PLA2G12A: variants seen among roughly 807,000 people sequenced by gnomAD.
PLA2G12A encodes group XIIA secretory phospholipase A2.
Under a neutral mutation model 16.0 loss-of-function variants are expected in PLA2G12A, and 11 were observed. That is an observed-to-expected ratio of 0.69 (90% CI 0.43 to 1.13). The LOEUF is 1.13. Among genes scored for constraint, PLA2G12A ranks in the 50% most tolerant of loss-of-function variants. The pLI is 0.00. For synonymous variants in PLA2G12A, 77 were observed against 93.8 expected, an observed-to-expected ratio of 0.82 and a Z score of 1.03; for missense variants, 214 against 237.3, an observed-to-expected ratio of 0.90 and a Z score of 0.65.
chr4:109,725,665 T>C (rs974110806), intron 1 of PLA2G12A, among the ~76,000 whole-genome samples: 2 of 152,250 alleles, frequency 1.3e-5, no homozygotes, highest in Non-Finnish European at 2.9e-5. Flanking sequence ...GTTTATCATT[T>C]GTATGGACTG....
intron 1 of PLA2G12A, among the ~76,000 whole-genome samples, chr4:109,722,293 T>C (rs1722798283): frequency 6.6e-6 from 1 of 152,230 alleles, no homozygotes; most frequent in South Asian, 2.1e-4. Flanking sequence ...TTGAACCTGC[T>C]CTTCCTGTAT....
At position 109,719,671 on chromosome 4, in the gene PLA2G12A, A is replaced by C. The variant is rs1213792803; in HGVS notation, c.209-912T>G. On this transcript the variant is annotated intron_variant, in intron 1 of 3. Coordinates refer to ENST00000243501, the MANE Select transcript of PLA2G12A (RefSeq NM_030821.5). The stretch of plus-strand genomic sequence containing the variant: ...ATATAACAATGAAGTGAGTCACATA[A>C]ATTTTTTTGGTTTTCCAGTGCATAT... Among the ~76,000 whole-genome samples, 5 of 152,072 alleles carry C rather than the reference A, an allele frequency of 3.3e-5. No individual in the cohort carries two copies. The East Asian group carries it at 9.6e-4, about 29-fold the overall frequency.
rs67674001 is a variant in PLA2G12A, at chr4:109,711,053, C to CTTTTTTTTTTTTTTTTT, written c.*3307_*3323dup. The CTTTTTTTTTTTTTTTTT allele has an allele frequency of 7.0e-5, 4 of 57,240 alleles. No individual in the cohort carries two copies. Among genetic ancestry groups the CTTTTTTTTTTTTTTTTT allele is most frequent in the Admixed American group, 2.0e-4 (1 of 5,042 alleles). 3.5% of individuals were successfully genotyped at this position (57,240 alleles called of 1,614,324 possible). The stretch of plus-strand genomic sequence containing the variant: ...AGAGCTGCTGACAGTTAGTTCTTGC[C>CTTTTTTTTTTTTTTTTT]TTTTTTTTTTTTTTTTTTTTTTTGC... On this transcript the variant is annotated 3_prime_UTR_variant, in exon 4 of 4. Transcript: ENST00000243501.
chr4:109,725,676 C>T (rs1722921343), intron 1 of PLA2G12A, among the ~76,000 whole-genome samples: 1 of 152,172 alleles, frequency 6.6e-6, no homozygotes, highest in Non-Finnish European at 1.5e-5. Flanking sequence ...GTATGGACTG[C>T]AGAAATCTAA....
At chr4:109,716,814 A>C (rs1350966691) in intron 3 of PLA2G12A, among the ~76,000 whole-genome samples, 2 of 152,200 alleles carry the variant, frequency 1.3e-5, no homozygotes, top group Admixed American at 6.5e-5. Flanking sequence ...AACCCATAAG[A>C]CAAGTCTTCT....
rs1248850915 is a variant in PLA2G12A at position 109,717,707 on chromosome 4, T to C, written c.292A>G (p.Ile98Val). 1.9e-6 allele frequency: 3 copies of C among 1,613,702 alleles called. No individual in the cohort carries two copies. Among genetic ancestry groups the C allele is most frequent in the Admixed American group, 1.7e-5 (1 of 59,988 alleles). ...CACTTTGTCAGGGAAGGGATACCAA[T>C]GTTAAGCTGCAAAAGGCATTTGGAT... ...GSPLFGVHLNIGIPSLTKCCN... is the reference protein window; with the variant it reads ...GSPLFGVHLNVGIPSLTKCCN... The change falls in exon 3 of 4, where the codon ATT becomes GTT. Residue 98 changes from isoleucine (I) to valine (V), a missense_variant. Physicochemically the swap from Ile to Val is conservative, Grantham distance 29. Coordinates refer to ENST00000243501, the MANE Select transcript of PLA2G12A (RefSeq NM_030821.5).
intron 2 of PLA2G12A, among the ~76,000 whole-genome samples, chr4:109,718,424 TA>T (rs1433295976): frequency 2.0e-5 from 3 of 152,224 alleles, no homozygotes; most frequent in Non-Finnish European, 2.9e-5. Context: ...AGCACTTCTG[TA>T]CTCCAAACTT....
chr4:109,724,348 C>T (rs1722881697), intron 1 of PLA2G12A, among the ~76,000 whole-genome samples: 1 of 152,110 alleles, frequency 6.6e-6, no homozygotes, highest in South Asian at 2.1e-4. Flanking sequence ...TGGTCTTGAA[C>T]TCCTGACAGG....
In PLA2G12A at chr4:109,711,241, T is replaced by C. The variant is rs982406575; in HGVS notation, c.*3136A>G. ...TTATAGATGTGTACATATGCATGGA[T>C]TAATATACATACATATTTCTCAACT... On this transcript the variant is annotated 3_prime_UTR_variant, in exon 4 of 4. Transcript: ENST00000243501. 1 of 152,158 alleles carries C rather than the reference T, an allele frequency of 6.6e-6. No individual in the cohort carries two copies. Among genetic ancestry groups the C allele is most frequent in the Non-Finnish European group, 1.5e-5 (1 of 68,016 alleles). The allele number at this position is 152,158 out of a possible 1,614,324, so 9.4% of individuals were successfully genotyped here.
At chr4:109,723,101 A>G (rs1305724281) in intron 1 of PLA2G12A, among the ~76,000 whole-genome samples, 1 of 152,138 alleles carries the variant, frequency 6.6e-6, no homozygotes, top group Non-Finnish European at 1.5e-5. Context: ...CAGACTGAAC[A>G]CTGTAGGGTA....
At chr4:109,716,925 C>T (rs946310185) in intron 3 of PLA2G12A, among the ~76,000 whole-genome samples, 1 of 152,154 alleles carries the variant, frequency 6.6e-6, no homozygotes, top group Non-Finnish European at 1.5e-5. Context: ...AAATCCTAAC[C>T]TCCAAAGTGA....
chr4:109,717,454 A>C, intron 3 of PLA2G12A, 94 bp downstream of exon 3: 1 of 1,314,868 alleles, frequency 7.6e-7, no homozygotes, highest in South Asian at 1.4e-5. Flanking sequence ...ATATATGTGA[A>C]AGATTTCTAT....
chr4:109,718,746 G>C lies in PLA2G12A; in HGVS notation c.222C>G (p.Phe74Leu). 1 of 1,591,644 alleles carries C rather than the reference G, an allele frequency of 6.3e-7. No homozygotes were observed. The highest frequency in any genetic ancestry group is 8.6e-7 in the Non-Finnish European group (1 of 1,165,712). ...QYKCSDGSKPFPRYGYKPSPP... is the reference protein window; with the variant it reads ...QYKCSDGSKPLPRYGYKPSPP... The stretch of plus-strand genomic sequence containing the variant: ...GGGAGGGTTTATAACCATAACGTGG[G>C]AAAGGCTTAGATCCTATAAAATATA... The change falls in exon 2 of 4, where the codon TTC becomes TTG. Residue 74 changes from phenylalanine to leucine, a missense_variant. Transcript: ENST00000243501.
chr4:109,729,147 GA>G (rs911159573), intron 1 of PLA2G12A, among the ~76,000 whole-genome samples: 1 of 151,686 alleles, frequency 6.6e-6, no homozygotes, highest in Non-Finnish European at 1.5e-5. Flanking sequence ...TGGGTTTGCA[GA>G]AAAAAAACCA....
rs1723025481 is a variant in PLA2G12A, at chr4:109,730,028, A to ACCAGCGCGCCCGCTCACCTGGG, written c.-241_-220dup. On this transcript the variant is annotated 5_prime_UTR_variant, in exon 1 of 4. Coordinates refer to ENST00000243501, the MANE Select transcript of PLA2G12A (RefSeq NM_030821.5). ...CGCGGGGACGCGCCCGCTCACCTGGACCAGCGCGCCCGCTCACCTGGGCCA... is the reference window on the plus strand; with the variant it reads ...CGCGGGGACGCGCCCGCTCACCTGGACCAGCGCGCCCGCTCACCTGGGCCAGCGCGCCCGCTCACCTGGGCCA... 1.0e-5 allele frequency: 5 copies of ACCAGCGCGCCCGCTCACCTGGG among 476,610 alleles called. No homozygotes were observed. The highest frequency in any genetic ancestry group is 1.8e-5 in the Non-Finnish European group (5 of 273,744). The allele number at this position is 476,610 out of a possible 1,614,324, so 29.5% of individuals were successfully genotyped here. A position where few individuals can be genotyped will look rare whatever the true frequency, so the allele number is the denominator to read the frequency against.
At chr4:109,727,230 C>A (rs577963919) in intron 1 of PLA2G12A, among the ~76,000 whole-genome samples, 1 of 152,036 alleles carries the variant, frequency 6.6e-6, no homozygotes, top group East Asian at 1.9e-4. Flanking sequence ...CCTACCTCAG[C>A]CTCCCAAGTA....
chr4:109,729,721 T>G lies in PLA2G12A; in HGVS notation c.89A>C (p.Asp30Ala). 1 of 1,606,746 alleles carries G rather than the reference T, an allele frequency of 6.2e-7. No individual in the cohort carries two copies. Among genetic ancestry groups the G allele is most frequent in the South Asian group, 1.1e-5 (1 of 90,080 alleles). Residue 30 changes from aspartate to alanine, a missense_variant, in exon 1 of 4, where the codon GAC becomes GCC. Physicochemically the swap from Asp to Ala is moderately radical, Grantham distance 126. Transcript: ENST00000243501. ...GATGGTCTTCAGGGTGGCTCTCCAG[T>G]CGGTGGTCTGGGCCTGCTCCTGGCA... The part of the protein sequence containing the change: ...VRCQEQAQTT[D>A]WRATLKTIRN...
chr4:109,717,333 A>G (rs1306440450), intron 3 of PLA2G12A, among the ~76,000 whole-genome samples: 1 of 151,890 alleles, frequency 6.6e-6, no homozygotes, highest in Non-Finnish European at 1.5e-5. Flanking sequence ...AGACACCCCT[A>G]CTCTCCCAAG....
chr4:109,711,241 T>A lies in PLA2G12A; in HGVS notation c.*3136A>T, dbSNP rs982406575. 7 of 152,276 alleles carry A rather than the reference T, an allele frequency of 4.6e-5. No homozygotes were observed. Among genetic ancestry groups the A allele is most frequent in the Admixed American group, 6.5e-5 (1 of 15,294 alleles). 9.4% of individuals were successfully genotyped at this position (152,276 alleles called of 1,614,324 possible). On this transcript the variant is annotated 3_prime_UTR_variant, in exon 4 of 4. Transcript: ENST00000243501. Reference sequence around the variant, plus strand: ...TTATAGATGTGTACATATGCATGGATTAATATACATACATATTTCTCAACT... The same window carrying A: ...TTATAGATGTGTACATATGCATGGAATAATATACATACATATTTCTCAACT...
Sources: gnomAD v4.1 joint callset for allele counts (sites outside exome capture counted in the v4.1 genomes callset) on GRCh38, gnomAD v4.1.1 for gene constraint, MANE v1.5 for transcripts, NCBI Gene and HGNC (gene_info 2026-07-23, HGNC 2026-07-21) for gene names.